The following TTC6 variants were observed in gnomAD, a reference collection of about 807,000 sequenced individuals.
TTC6 encodes the protein tetratricopeptide repeat domain 6, also known as tetratricopeptide repeat protein 6.
A neutral mutation model predicts 210.4 loss-of-function variants in TTC6; 172 were observed. The observed-to-expected ratio is 0.82, with a 90% confidence interval of 0.72 to 0.93. The LOEUF is 0.93. TTC6 is among the 40% of genes least tolerant of loss of function. The pLI, the probability that TTC6 is intolerant of heterozygous loss-of-function variation, is 0.00. For synonymous variants in TTC6, 804 were observed against 819.6 expected, an observed-to-expected ratio of 0.98 and a Z score of 0.32; for missense variants, 2,414 against 2,318.1, an observed-to-expected ratio of 1.04 and a Z score of -0.85.
chr14:37,803,895 T>C (rs1164008572), intron 20 of TTC6, among the ~76,000 whole-genome samples: 1 of 152,230 alleles, frequency 6.6e-6, no homozygotes, highest in Non-Finnish European at 1.5e-5. Flanking sequence ...ACACTTAGCA[T>C]ATCCAAGTGA....
At chr14:37,728,146 A>G (rs1033651326) in intron 7 of TTC6, among the ~76,000 whole-genome samples, 1 of 146,668 alleles carries the variant, frequency 6.8e-6, no homozygotes, top group Non-Finnish European at 1.5e-5. Context: ...GCATTGCTCG[A>G]TAAGTAGTAG....
intron 14 of TTC6, among the ~76,000 whole-genome samples, chr14:37,767,002 A>T (rs566531839): frequency 1.3e-4 from 19 of 151,722 alleles, no homozygotes; most frequent in African/African-American, 4.6e-4. Flanking sequence ...TCCTGTGTCC[A>T]TGTGATCTCA....
At chr14:37,701,473 A>G (rs1566897772) in exon 5 of TTC6, 1 of 1,523,936 alleles carries the variant, frequency 6.6e-7, no homozygotes. Context: ...TGCTTGGAAA[A>G]TTTGGAACCT....
chr14:37,679,423 T>A (rs1443246354), intron 1 of TTC6, among the ~76,000 whole-genome samples: 1 of 152,126 alleles, frequency 6.6e-6, no homozygotes, highest in Non-Finnish European at 1.5e-5. Flanking sequence ...AGAGAGTATA[T>A]CATTGCAATT....
chr14:37,728,098 A>C (rs1380266113), intron 7 of TTC6, among the ~76,000 whole-genome samples: 1 of 152,140 alleles, frequency 6.6e-6, no homozygotes, highest in East Asian at 1.9e-4. Context: ...TTGTTTGCCA[A>C]GTGGGTCTTT....
intron 3 of TTC6, among the ~76,000 whole-genome samples, chr14:37,692,174 A>G (rs1304885028): frequency 1.6e-5 from 2 of 128,186 alleles, no homozygotes; most frequent in East Asian, 5.5e-4. Flanking sequence ...TGAGGCAGGT[A>G]TTATCCTGAT....
intron 29 of TTC6, chr14:37,837,415 A>G: frequency 2.2e-6 from 1 of 455,006 alleles, no homozygotes; most frequent in Middle Eastern, 3.3e-4. Context: ...TCCTCTTCAA[A>G]CTCTTCACAG....
intron 29 of TTC6, among the ~76,000 whole-genome samples, chr14:37,827,576 T>C (rs1158329284): frequency 6.6e-6 from 1 of 152,064 alleles, no homozygotes; most frequent in Non-Finnish European, 1.5e-5. Flanking sequence ...TTAACACTTG[T>C]AAACATTTTT....
rs532912444 is a variant in TTC6 at position 37,697,845 on chromosome 14, A to AT, written c.1376+1019dup. On this transcript the variant is annotated intron_variant, in intron 4 of 30. Coordinates refer to ENST00000553443, the Ensembl canonical transcript of TTC6. Reference sequence around the variant, plus strand: ...TTATCAATGAAGCAGAAACTTCTTGATTTTTTTTTCTAAAAAACCTTGCAT... The same window carrying AT: ...TTATCAATGAAGCAGAAACTTCTTGATTTTTTTTTTCTAAAAAACCTTGCAT... Among the ~76,000 whole-genome samples, 192 of 151,684 alleles carry AT rather than the reference A, an allele frequency of 1.3e-3. 1 individual carries two copies. The highest frequency in any genetic ancestry group is 6.3e-3 in the South Asian group (30 of 4,788).
At chr14:37,793,047 C>T (rs1327273322) in intron 17 of TTC6, among the ~76,000 whole-genome samples, 1 of 152,136 alleles carries the variant, frequency 6.6e-6, no homozygotes, top group East Asian at 1.9e-4. Flanking sequence ...CTTGTCTCTA[C>T]CCTTCAAAGT....
intron 20 of TTC6, among the ~76,000 whole-genome samples, chr14:37,799,529 T>G (rs1410561284): frequency 6.6e-6 from 1 of 152,160 alleles, no homozygotes; most frequent in Admixed American, 6.5e-5. Flanking sequence ...TATGTCTCAC[T>G]TCTAACCAAC....
At chr14:37,760,987 G>A (rs573205600) in intron 14 of TTC6, among the ~76,000 whole-genome samples, 19 of 152,254 alleles carry the variant, frequency 1.2e-4, no homozygotes, top group Admixed American at 1.1e-3. Context: ...AGACAACTTG[G>A]CTCCCTGGCT....
intron 2 of TTC6, among the ~76,000 whole-genome samples, chr14:37,615,049 G>A (rs1410049646): frequency 6.6e-6 from 1 of 152,080 alleles, no homozygotes; most frequent in Non-Finnish European, 1.5e-5. Context: ...ACCTGCTCTG[G>A]GTTGACATTT....
intron 25 of TTC6, among the ~76,000 whole-genome samples, chr14:37,813,757 G>C (rs1347171039): frequency 6.6e-6 from 1 of 152,152 alleles, no homozygotes; most frequent in African/African-American, 2.4e-5. Flanking sequence ...TCCAGTCTTT[G>C]AGGAGCTGAT....
chr14:37,759,546 C>T (rs1404202284), intron 14 of TTC6, among the ~76,000 whole-genome samples: 1 of 152,086 alleles, frequency 6.6e-6, no homozygotes, highest in Non-Finnish European at 1.5e-5. Context: ...TGAATGTTGG[C>T]CTGTTTCGCT....
chr14:37,627,454 GC>G (rs1233150387), intron 1 of TTC6, among the ~76,000 whole-genome samples: 1 of 144,156 alleles, frequency 6.9e-6, no homozygotes, highest in African/African-American at 2.6e-5. Flanking sequence ...CCCTCCCCTA[GC>G]CCCCCACCCC....
chr14:37,764,839 A>C (rs1464530012), intron 14 of TTC6, among the ~76,000 whole-genome samples: 2 of 151,684 alleles, frequency 1.3e-5, no homozygotes, highest in African/African-American at 4.8e-5. Flanking sequence ...TATATTTTAT[A>C]TTGTATTTTG....
In TTC6 at chr14:37,712,924, G is replaced by A. The variant is rs539391676; in HGVS notation, c.1572-1731G>A. Among the ~76,000 whole-genome samples the A allele has an allele frequency of 3.3e-5, 5 of 152,242 alleles. No individual in the cohort carries two copies. In the South Asian group the frequency reaches 8.3e-4, roughly 25 times the overall value. ...ATTTGGTGTTTTAAAATCAATGAGA[G>A]GGTTAGAAAAATGGGGCATTAGGTA... is the stretch of plus-strand genomic sequence containing the variant. On this transcript the variant is annotated intron_variant, in intron 5 of 30. Coordinates refer to ENST00000553443, the Ensembl canonical transcript of TTC6.
intron 24 of TTC6, among the ~76,000 whole-genome samples, chr14:37,810,090 T>A (rs1259680874): frequency 6.6e-6 from 1 of 152,274 alleles, no homozygotes; most frequent in East Asian, 1.9e-4. Context: ...AAACATTGTC[T>A]CTACCTGAGA....
Sources: allele counts gnomAD v4.1 joint callset (sites outside exome capture counted in the v4.1 genomes callset), GRCh38; gene constraint gnomAD v4.1.1; transcripts MANE v1.5; gene names NCBI Gene and HGNC (gene_info 2026-07-23, HGNC 2026-07-21).